The following SYNE2 variants were observed in gnomAD, a reference collection of about 807,000 sequenced individuals.
The protein encoded by SYNE2 is nesprin-2.
Under a neutral mutation model 856.3 loss-of-function variants are expected in SYNE2, and 431 were observed. The observed-to-expected ratio is 0.50, with a 90% CI of 0.47 to 0.55. The LOEUF (loss-of-function observed/expected upper bound fraction) is 0.55, where lower values mean the gene tolerates loss of function less well. Among genes scored for constraint, SYNE2 ranks in the 20% least tolerant of loss-of-function variants. The pLI is 0.00. For missense variants in SYNE2, 8,129 were observed against 8,023.2 expected (o/e 1.01, Z -0.50); for synonymous variants, 2,923 against 2,872.3 (o/e 1.02, Z -0.56).
At chr14:63,909,608 G>A (rs967392588) in intron 2 of SYNE2, among the ~76,000 whole-genome samples, 39 of 152,250 alleles carry the variant, frequency 2.6e-4, no homozygotes, top group Admixed American at 1.4e-3. Context: ...ATGGGAGGCC[G>A]AGGCGGGCGG....
At chr14:63,833,887 G>A (rs1889756212) in intron 1 of SYNE2, among the ~76,000 whole-genome samples, 2 of 151,234 alleles carry the variant, frequency 1.3e-5, no homozygotes, top group African/African-American at 4.9e-5. Context: ...TTTTTAATGT[G>A]TCTGTATTTC....
intron 11 of SYNE2, among the ~76,000 whole-genome samples, chr14:63,974,443 G>T (rs2096512406): frequency 6.6e-6 from 1 of 152,096 alleles, no homozygotes; most frequent in Non-Finnish European, 1.5e-5. Context: ...TCAGCAACCA[G>T]CACTCATGGG....
At chr14:64,187,260 C>T (rs1339376382) in intron 97 of SYNE2, among the ~76,000 whole-genome samples, 2 of 152,134 alleles carry the variant, frequency 1.3e-5, no homozygotes, top group African/African-American at 4.8e-5. Context: ...TCCTTAATCT[C>T]ATTTTTGTGA....
rs1337045922 is a variant in SYNE2, at chr14:63,962,080, GGAGTCTTGCCCTGTCGCC to G, written c.888+456_888+473del. On this transcript the variant is annotated intron_variant, in intron 9 of 115. Coordinates refer to ENST00000555002, the MANE Select transcript of SYNE2 (RefSeq NM_182914.3). Reference sequence around the variant, plus strand: ...TTATTTATTTATTTATTTTTGAGATGGAGTCTTGCCCTGTCGCCCAGGCTGTAGTGCAGTGGCGCGATC... The same window carrying G: ...TTATTTATTTATTTATTTTTGAGATGCAGGCTGTAGTGCAGTGGCGCGATC... Among the ~76,000 whole-genome samples the G allele has an allele frequency of 2.0e-5, 3 of 150,740 alleles. No homozygotes were observed. In the East Asian group the frequency reaches 5.8e-4, roughly 29 times the overall value.
intron 9 of SYNE2, 67 bp from the exon 10 acceptor site, chr14:63,963,832 T>G (rs773053144): frequency 9.9e-5 from 105 of 1,055,334 alleles, no homozygotes; most frequent in Non-Finnish European, 1.4e-4. Flanking sequence ...TTCAAGTTGC[T>G]AATTTTTTTG....
chr14:64,055,893 A>G (rs764900194), intron 48 of SYNE2, 51 bp from the exon 49 acceptor site: 2 of 1,470,684 alleles, frequency 1.4e-6, no homozygotes, highest in South Asian at 2.4e-5. Context: ...AATGACAGGA[A>G]TTCCAAAAGT....
intron 99 of SYNE2, among the ~76,000 whole-genome samples, chr14:64,199,233 A>G (rs1245584146): frequency 2.0e-5 from 3 of 152,176 alleles, no homozygotes; most frequent in South Asian, 4.1e-4. Context: ...ATGATCCTGT[A>G]TCTCCAGTAT....
chr14:63,839,318 C>T (rs561755788), intron 1 of SYNE2, among the ~76,000 whole-genome samples: 13 of 152,218 alleles, frequency 8.5e-5, no homozygotes, highest in African/African-American at 2.9e-4. Context: ...TGTGAGCCAC[C>T]GCGCCCGGCC....
intron 33 of SYNE2, among the ~76,000 whole-genome samples, chr14:64,016,843 T>A (rs1246366538): frequency 6.6e-6 from 1 of 152,206 alleles, no homozygotes; most frequent in Non-Finnish European, 1.5e-5. Context: ...CTTGGCTTTT[T>A]AAAAATAAGT....
chr14:63,804,288 T>C (rs942659764), intron 1 of SYNE2, among the ~76,000 whole-genome samples: 7 of 151,970 alleles, frequency 4.6e-5, no homozygotes, highest in African/African-American at 9.7e-5. Flanking sequence ...AGATCATGGT[T>C]TGCATTTTTT....
intron 1 of SYNE2, among the ~76,000 whole-genome samples, chr14:63,890,053 CTTTTTTTT>C (rs71123813): frequency 1.3e-4 from 12 of 95,062 alleles, no homozygotes; most frequent in Non-Finnish European, 8.1e-5. Flanking sequence ...TTCTTTCTTT[CTTTTTTTT>C]TTTTTTTTTT....
At chr14:63,918,978 G>A (rs1024932330) in intron 2 of SYNE2, among the ~76,000 whole-genome samples, 12 of 152,030 alleles carry the variant, frequency 7.9e-5, no homozygotes, top group African/African-American at 1.4e-4. Context: ...ATGCTTTGTC[G>A]GCAAACTTCC....
chr14:63,853,822 A>G (rs915589584), intron 1 of SYNE2, among the ~76,000 whole-genome samples: 1 of 152,024 alleles, frequency 6.6e-6, no homozygotes, highest in Non-Finnish European at 1.5e-5. Context: ...TTATAATTCC[A>G]TTTTGATTGC....
Position 64,137,791 on chromosome 14 carries a change from T to G in SYNE2, c.14651T>G (p.Ile4884Arg). ...LVERISFYQQ[I>R]KRNIGGKHAR... is the part of the protein sequence containing the mutation. Reference sequence around the variant, plus strand: ...TATGACTTTACTTTTTATTAGCAAATAAAAAGAAACATTGGTGGAAAACAC... The same window carrying G: ...TATGACTTTACTTTTTATTAGCAAAGAAAAAGAAACATTGGTGGAAAACAC... The change falls in exon 79 of 116, where the codon ATA becomes AGA. Residue 4884 changes from isoleucine (I) to arginine (R), a missense_variant. Physicochemically the swap from Ile to Arg is moderately conservative, Grantham distance 97. Coordinates refer to ENST00000555002, the MANE Select transcript of SYNE2 (RefSeq NM_182914.3). 6.2e-6 allele frequency: 10 copies of G among 1,614,084 alleles called. No individual in the cohort carries two copies. The highest frequency in any genetic ancestry group is 8.5e-6 in the Non-Finnish European group (10 of 1,179,996).
intron 45 of SYNE2, among the ~76,000 whole-genome samples, chr14:64,040,008 T>C (rs2097135211): frequency 6.6e-6 from 1 of 152,188 alleles, no homozygotes; most frequent in Admixed American, 6.6e-5. Flanking sequence ...ATCAACCCTA[T>C]GTCTTAAGCA....
At chr14:63,986,342 C>G in intron 18 of SYNE2, 114 bp from the exon 19 acceptor site, 4 of 1,113,762 alleles carry the variant, frequency 3.6e-6, no homozygotes, top group Admixed American at 2.0e-5. Flanking sequence ...TCAAGCAATC[C>G]TCCTGCCCTG....
chr14:64,152,723 G>C lies in SYNE2; in HGVS notation c.15792+7G>C, dbSNP rs2098253935. ...AAGCAGTGTTCTCACTCAGGTACTA[G>C]AATTCATTTGAAATGTGCTATTTCT... On this transcript the variant is annotated splice_region_variant and intron_variant, in intron 85 of 115. Transcript: ENST00000555002. The C allele has an allele frequency of 6.2e-7, 1 of 1,613,962 alleles. No homozygotes were observed. Among genetic ancestry groups the C allele is most frequent in the Admixed American group, 1.7e-5 (1 of 60,018 alleles).
At chr14:64,126,120 GTTGAGCTTCTTAAACTCA>G (rs1270661758) in intron 71 of SYNE2, among the ~76,000 whole-genome samples, 189 bp from the exon 72 acceptor site, 4 of 152,044 alleles carry the variant, frequency 2.6e-5, no homozygotes, top group Non-Finnish European at 5.9e-5. Context: ...ACTACCTAAC[GTTGAGCTTCTTAAACTCA>G]TTTTTCTCCA....
rs559761621 is a variant in SYNE2 at position 64,114,295 on chromosome 14, C to T, written c.12840+724C>T. 9.2e-5 allele frequency among the ~76,000 whole-genome samples: 14 copies of T among 152,204 alleles called. No individual in the cohort carries two copies. In the South Asian group the frequency reaches 1.0e-3, roughly 11 times the overall value. On this transcript the variant is annotated intron_variant, in intron 66 of 115. Coordinates refer to ENST00000555002, the MANE Select transcript of SYNE2 (RefSeq NM_182914.3). ...AATGATGACATTGCAACAGCATAAT[C>T]GAGTGTCACAAGAGCAGGGGCACGC...
Sources: gnomAD v4.1 joint callset for allele counts (sites outside exome capture counted in the v4.1 genomes callset) on GRCh38, gnomAD v4.1.1 for gene constraint, MANE v1.5 for transcripts, NCBI Gene and HGNC (gene_info 2026-07-23, HGNC 2026-07-21) for gene names.